HS3ST3B1: variants seen among roughly 807,000 people sequenced by gnomAD.
HS3ST3B1 encodes heparan sulfate glucosamine 3-O-sulfotransferase 3B1.
Under a neutral mutation model 21.3 loss-of-function variants are expected in HS3ST3B1, and 13 were observed. That is an observed-to-expected ratio of 0.61 (90% CI 0.40 to 0.97). The LOEUF is 0.97. Ranked by LOEUF, HS3ST3B1 falls within the 50% of genes least tolerant of loss-of-function variation. The pLI is 0.00. For synonymous variants in HS3ST3B1, 234 were observed against 254.8 expected, an observed-to-expected ratio of 0.92 and a Z score of 0.78; for missense variants, 459 against 554.8, an observed-to-expected ratio of 0.83 and a Z score of 1.73.
chr17:14,329,866 A>G (rs1469488056), intron 1 of HS3ST3B1, among the ~76,000 whole-genome samples: 1 of 152,266 alleles, frequency 6.6e-6, no homozygotes, highest in African/African-American at 2.4e-5. Context: ...ATCCAGAGCC[A>G]AATGCCAACG....
In HS3ST3B1 at chr17:14,313,106, G is replaced by GTATATATATACATATATATATA. The variant is rs1327746485; in HGVS notation, c.554+11035_554+11036insATATATATACATATATATATAT. On this transcript the variant is annotated intron_variant, in intron 1 of 1. Transcript: ENST00000360954. ...GTGTGTGTGTGTGGTGTGTGTGTGT[G>GTATATATATACATATATATATA]TGTATATATATATATATGTGTGTGT... is the stretch of plus-strand genomic sequence containing the variant. 9.2e-3 allele frequency among the ~76,000 whole-genome samples: 851 copies of GTATATATATACATATATATATA among 92,336 alleles called. 17 individuals carry two copies. Among genetic ancestry groups the GTATATATATACATATATATATA allele is most frequent in the Middle Eastern group, 0.011 (2 of 184 alleles). The allele number at this position is 92,336 out of a possible 152,430, so 60.6% of individuals were successfully genotyped here.
chr17:14,341,752 G>C (rs1910391413), intron 1 of HS3ST3B1, among the ~76,000 whole-genome samples: 2 of 152,062 alleles, frequency 1.3e-5, no homozygotes, highest in Admixed American at 1.3e-4. Context: ...CTTCAATCGT[G>C]GTGATAATGC....
At chr17:14,302,824 G>A (rs1252956148) in intron 1 of HS3ST3B1, among the ~76,000 whole-genome samples, 1 of 152,228 alleles carries the variant, frequency 6.6e-6, no homozygotes, top group Non-Finnish European at 1.5e-5. Context: ...GCCCGTTTCC[G>A]CCTCCCTGCC....
At chr17:14,302,381 AC>A (rs551626591) in intron 1 of HS3ST3B1, among the ~76,000 whole-genome samples, 1 of 152,244 alleles carries the variant, frequency 6.6e-6, no homozygotes, top group South Asian at 2.1e-4. Flanking sequence ...CCACCCTCTA[AC>A]CATGGGGGTA....
At chr17:14,337,322 T>C (rs1910214811) in intron 1 of HS3ST3B1, among the ~76,000 whole-genome samples, 1 of 146,976 alleles carries the variant, frequency 6.8e-6, no homozygotes, top group African/African-American at 2.6e-5. Flanking sequence ...AAGTATCTTA[T>C]CCTGATTGGA....
Position 14,345,877 on chromosome 17 carries a change from A to T in HS3ST3B1, c.*231A>T. 3.9e-6 allele frequency: 2 copies of T among 518,766 alleles called. No homozygotes were observed. Among genetic ancestry groups the T allele is most frequent in the Non-Finnish European group, 6.4e-6 (2 of 310,690 alleles). The allele number at this position is 518,766 out of a possible 1,614,324, so 32.1% of individuals were successfully genotyped here. A position where few individuals can be genotyped will look rare whatever the true frequency, so the allele number is the denominator to read the frequency against. ...CTTCTTCACAATTGATGGTGCTTCT[A>T]TTTTTTCTTCTCCCCTACCTGTTAT... On this transcript the variant is annotated 3_prime_UTR_variant, in exon 2 of 2. Transcript: ENST00000360954.
At chr17:14,325,713 A>G (rs1328966135) in intron 1 of HS3ST3B1, among the ~76,000 whole-genome samples, 1 of 152,186 alleles carries the variant, frequency 6.6e-6, no homozygotes, top group Non-Finnish European at 1.5e-5. Flanking sequence ...TGGTCTTAGT[A>G]GGCTCGCGGA....
At chr17:14,328,528 G>A (rs996128150) in intron 1 of HS3ST3B1, 1 of 152,204 alleles carries the variant, frequency 6.6e-6, no homozygotes, top group African/African-American at 2.4e-5. Flanking sequence ...CATTGACATT[G>A]CCATGTCTCT....
chr17:14,313,334 C>T (rs1402504633), intron 1 of HS3ST3B1, among the ~76,000 whole-genome samples: 1 of 151,764 alleles, frequency 6.6e-6, no homozygotes, highest in Non-Finnish European at 1.5e-5. Context: ...GAACTTGGCC[C>T]TTACTTACTC....
At chr17:14,332,257 A>G (rs1330987189) in intron 1 of HS3ST3B1, among the ~76,000 whole-genome samples, 1 of 152,190 alleles carries the variant, frequency 6.6e-6, no homozygotes, top group Admixed American at 6.5e-5. Context: ...CGGAGAAGAC[A>G]GTAGTTTAGG....
At position 14,347,397 on chromosome 17, in the gene HS3ST3B1, T is replaced by G. The variant is rs1910611433; in HGVS notation, c.*1751T>G. On this transcript the variant is annotated 3_prime_UTR_variant, in exon 2 of 2. Transcript: ENST00000360954. ...TATAGCAATATCACATAATGATATG[T>G]TTAATTTAACCTCAGTTTTTTAAAC... 6.6e-6 allele frequency: 1 copy of G among 152,200 alleles called. No individual in the cohort carries two copies. Among genetic ancestry groups the G allele is most frequent in the South Asian group, 2.1e-4 (1 of 4,830 alleles). The allele number at this position is 152,200 out of a possible 1,614,324, so 9.4% of individuals were successfully genotyped here.
chr17:14,313,113 T>TATATATATACATATATATATATAC (rs71147857), intron 1 of HS3ST3B1, among the ~76,000 whole-genome samples: 1 of 129,938 alleles, frequency 7.7e-6, no homozygotes, highest in African/African-American at 3.0e-5. Context: ...TGTGTGTATA[T>TATATATATACATATATATATATAC]ATATATATAT....
At chr17:14,319,891 C>A (rs547651783) in intron 1 of HS3ST3B1, among the ~76,000 whole-genome samples, 3 of 152,146 alleles carry the variant, frequency 2.0e-5, no homozygotes, top group Admixed American at 1.3e-4. Context: ...AAGCAATGTA[C>A]ACTGTACCCA....
At chr17:14,343,648 T>C (rs1179666747) in intron 1 of HS3ST3B1, among the ~76,000 whole-genome samples, 1 of 152,240 alleles carries the variant, frequency 6.6e-6, no homozygotes, top group Non-Finnish European at 1.5e-5. Context: ...GCATTCATGT[T>C]ATTGCAAATG....
At position 14,308,564 on chromosome 17, in the gene HS3ST3B1, C is replaced by T. The variant is rs1220222281; in HGVS notation, c.554+6492C>T. ...GTTTGTAAAAATTATGAGTGCGTAT[C>T]TTTAGATTTAGAGCTGGTTAAAGAG... is the stretch of plus-strand genomic sequence containing the variant. On this transcript the variant is annotated intron_variant, in intron 1 of 1. Coordinates refer to ENST00000360954, the MANE Select transcript of HS3ST3B1 (RefSeq NM_006041.3). Among the ~76,000 whole-genome samples the T allele has an allele frequency of 1.2e-4, 19 of 152,206 alleles. 1 individual carries two copies. Among genetic ancestry groups the T allele is most frequent in the Middle Eastern group, 3.4e-3 (1 of 292 alleles).
At chr17:14,344,620 A>C (rs1270913907) in intron 1 of HS3ST3B1, among the ~76,000 whole-genome samples, 1 of 152,078 alleles carries the variant, frequency 6.6e-6, no homozygotes, top group Non-Finnish European at 1.5e-5. Context: ...TAGTGGCAGG[A>C]CTCATGGACA....
chr17:14,315,821 C>CA lies in HS3ST3B1; in HGVS notation c.554+13763dup, dbSNP rs765113554. Among the ~76,000 whole-genome samples, 762 of 113,450 alleles carry CA rather than the reference C, an allele frequency of 6.7e-3. 12 individuals carry two copies. The highest frequency in any genetic ancestry group is 0.065 in the South Asian group (222 of 3,420). The allele number at this position is 113,450 out of a possible 152,430, so 74.4% of individuals were successfully genotyped here. A position where few individuals can be genotyped will look rare whatever the true frequency, so the allele number is the denominator to read the frequency against. ...GGGCAACAAGAGTGAGACTCCATCTCAAAAAAAAAAAAAATTAATAGGTAG... is the reference window on the plus strand; with the variant it reads ...GGGCAACAAGAGTGAGACTCCATCTCAAAAAAAAAAAAAAATTAATAGGTAG... On this transcript the variant is annotated intron_variant, in intron 1 of 1. Coordinates refer to ENST00000360954, the MANE Select transcript of HS3ST3B1 (RefSeq NM_006041.3).
intron 1 of HS3ST3B1, among the ~76,000 whole-genome samples, chr17:14,331,541 G>GA (rs1910011861): frequency 1.3e-5 from 2 of 152,160 alleles, no homozygotes; most frequent in South Asian, 4.1e-4. Context: ...GGAGAAAGGA[G>GA]AGAGGGCCTG....
intron 1 of HS3ST3B1, chr17:14,304,298 C>T (rs1032896812): frequency 6.6e-6 from 1 of 152,322 alleles, no homozygotes; most frequent in East Asian, 1.9e-4. Context: ...CCCGGCGGAT[C>T]GGGCTGCCGG....
Sources: gnomAD v4.1 joint callset for allele counts (sites outside exome capture counted in the v4.1 genomes callset) on GRCh38, gnomAD v4.1.1 for gene constraint, MANE v1.5 for transcripts, NCBI Gene and HGNC (gene_info 2026-07-23, HGNC 2026-07-21) for gene names.